Variants in MAGT1 observed in about 807,000 individuals in gnomAD.
The protein encoded by MAGT1 is dolichyl-diphosphooligosaccharide--protein glycosyltransferase subunit MAGT1.
In MAGT1, 4 loss-of-function variants were observed where a neutral mutation model predicts 28.4. The observed-to-expected ratio is 0.14, with a 90% confidence interval of 0.07 to 0.32. The LOEUF is 0.32. MAGT1 is among the 10% of genes least tolerant of loss of function. The pLI is 1.00. For missense variants in MAGT1, 193 were observed against 264.5 expected, an observed-to-expected ratio of 0.73 and a Z score of 1.88; for synonymous variants, 89 against 89.7, an observed-to-expected ratio of 0.99 and a Z score of 0.04.
At chrX:77,850,971 C>G (rs943013414) in intron 7 of MAGT1, among the ~76,000 whole-genome samples, 1 of 99,725 alleles carries the variant, frequency 1.0e-5, no homozygotes, top group Non-Finnish European at 2.1e-5. Flanking sequence ...CTTTTCTGTT[C>G]TTTTTTTTTT....
At chrX:77,847,510 G>A (rs561947288) in intron 7 of MAGT1, among the ~76,000 whole-genome samples, 12 of 111,864 alleles carry the variant, frequency 1.1e-4, no homozygotes, top group Admixed American at 5.7e-4. Context: ...GAAATCACCC[G>A]TCTTCTGTGT....
intron 7 of MAGT1, among the ~76,000 whole-genome samples, chrX:77,846,622 CCTTT>C (rs1557214968): frequency 8.9e-6 from 1 of 111,977 alleles, no homozygotes; most frequent in Admixed American, 9.5e-5. Flanking sequence ...GTATGGATGT[CCTTT>C]CTGTTTGTTA....
At chrX:77,889,473 G>A (rs1363169287) in intron 1 of MAGT1, among the ~76,000 whole-genome samples, 3 of 106,036 alleles carry the variant, frequency 2.8e-5, no homozygotes, top group Admixed American at 1.0e-4. Context: ...CCGGGTTCAC[G>A]CCATTCTCCT....
At chrX:77,846,370 G>A (rs969347062) in intron 7 of MAGT1, among the ~76,000 whole-genome samples, 1 of 111,344 alleles carries the variant, frequency 9.0e-6, no homozygotes, top group Non-Finnish European at 1.9e-5. Context: ...TCTTTGCCAT[G>A]GGTTCGAACT....
intron 2 of MAGT1, among the ~76,000 whole-genome samples, chrX:77,873,982 C>CT (rs1322777104): frequency 1.1e-4 from 11 of 104,493 alleles, no homozygotes; most frequent in East Asian, 6.0e-4. Context: ...TCCCATGCAT[C>CT]TTTTTTTTTT....
At chrX:77,885,937 GCCC>G (rs1213241925) in intron 1 of MAGT1, among the ~76,000 whole-genome samples, 1 of 111,286 alleles carries the variant, frequency 9.0e-6, no homozygotes, top group Non-Finnish European at 1.9e-5. Flanking sequence ...CCGAGATTGA[GCCC>G]CTGCACTGAA....
intron 8 of MAGT1, among the ~76,000 whole-genome samples, chrX:77,838,456 TAA>T (rs781869286): frequency 2.7e-4 from 25 of 91,818 alleles, no homozygotes; most frequent in Non-Finnish European, 3.3e-4. Context: ...GGCCTGGCCT[TAA>T]AAAAAAAAAA....
At chrX:77,839,260 C>T (rs1024632243) in intron 8 of MAGT1, among the ~76,000 whole-genome samples, 1 of 105,470 alleles carries the variant, frequency 9.5e-6, no homozygotes, top group Non-Finnish European at 1.9e-5. Flanking sequence ...GCTGAGATCG[C>T]GCCACCGCAC....
intron 7 of MAGT1, among the ~76,000 whole-genome samples, chrX:77,846,123 T>C (rs1443206040): frequency 1.8e-5 from 2 of 111,648 alleles, no homozygotes; most frequent in Admixed American, 1.9e-4. Context: ...TTGGAGGCTT[T>C]GTTCGTTTCT....
At chrX:77,853,469 T>C (rs1056199959) in intron 7 of MAGT1, among the ~76,000 whole-genome samples, 1 of 112,187 alleles carries the variant, frequency 8.9e-6, no homozygotes, top group African/African-American at 3.2e-5. Flanking sequence ...ACATTTATGT[T>C]AACTTTGTAG....
chrX:77,853,271 T>G (rs2076973154), intron 7 of MAGT1, among the ~76,000 whole-genome samples: 1 of 111,913 alleles, frequency 8.9e-6, no homozygotes, highest in Non-Finnish European at 1.9e-5. Flanking sequence ...CATCTTTGAG[T>G]AATTACTGTT....
chrX:77,857,294 C>T (rs372168997), intron 4 of MAGT1, 63 bp downstream of exon 4: 1 of 1,184,757 alleles, frequency 8.4e-7, no homozygotes, highest in Non-Finnish European at 1.1e-6. Context: ...CTAATTAGGG[C>T]CTCCCAGTAA....
chrX:77,855,451 A>G, intron 6 of MAGT1, 50 bp downstream of exon 6: 2 of 910,890 alleles, frequency 2.2e-6, no homozygotes, highest in Non-Finnish European at 3.2e-6. Flanking sequence ...GGTAATAATC[A>G]TTGAGTTAAC....
chrX:77,830,110 C>T (rs370694314), intron 9 of MAGT1, among the ~76,000 whole-genome samples: 84 of 112,188 alleles, frequency 7.5e-4, no homozygotes, highest in African/African-American at 1.5e-3. Flanking sequence ...TCGCTTGATG[C>T]CAGAAGTTCA....
At chrX:77,832,398 G>A (rs1196613912) in intron 8 of MAGT1, among the ~76,000 whole-genome samples, 1 of 105,773 alleles carries the variant, frequency 9.5e-6, no homozygotes, top group Non-Finnish European at 1.9e-5. Flanking sequence ...AATGATAGCT[G>A]ATAAGCTGAA....
chrX:77,856,441 G>GAA (rs369643749), intron 5 of MAGT1: 50 of 167,569 alleles, frequency 3.0e-4, no homozygotes, highest in African/African-American at 3.6e-4. Context: ...CCGCCTCAAA[G>GAA]AAAAAAAAAA....
chrX:77,870,070 TAAG>T (rs1395101617), intron 3 of MAGT1, among the ~76,000 whole-genome samples: 7 of 112,166 alleles, frequency 6.2e-5, no homozygotes, highest in South Asian at 3.6e-4. Flanking sequence ...TACTCAGTCA[TAAG>T]AAGGAATGAA....
intron 1 of MAGT1, among the ~76,000 whole-genome samples, chrX:77,878,289 CAAAAAAAAAA>C (rs1205547369): frequency 6.6e-5 from 1 of 15,072 alleles, no homozygotes. Context: ...AACTCTGATG[CAAAAAAAAAA>C]AAAAAAAAAA....
intron 3 of MAGT1, among the ~76,000 whole-genome samples, chrX:77,861,233 C>T (rs993671637): frequency 9.1e-6 from 1 of 109,339 alleles, no homozygotes; most frequent in African/African-American, 3.3e-5. Context: ...TGACATTTCT[C>T]CAAAGAAGAT....
Sources: gnomAD v4.1 joint callset for allele counts (sites outside exome capture counted in the v4.1 genomes callset) on GRCh38, gnomAD v4.1.1 for gene constraint, MANE v1.5 for transcripts, NCBI Gene and HGNC (gene_info 2026-07-23, HGNC 2026-07-21) for gene names.